CSMD3: variants seen among roughly 807,000 people sequenced by gnomAD.
CSMD3 encodes the protein CUB and Sushi multiple domains 3.
CSMD3 carries 177 observed loss-of-function variants against 435.2 expected under a neutral mutation model. The ratio of observed to expected loss-of-function variants is 0.41; its 90% CI spans 0.36 to 0.46. CSMD3 has a LOEUF of 0.46. Among genes scored for constraint, CSMD3 ranks in the 20% least tolerant of loss-of-function variants. The pLI, the probability that CSMD3 is intolerant of heterozygous loss-of-function variation, is 0.34. For missense variants in CSMD3, 4,265 were observed against 4,504.6 expected, an observed-to-expected ratio of 0.95 and a Z score of 1.52; for synonymous variants, 1,656 against 1,520.5, an observed-to-expected ratio of 1.09 and a Z score of -2.07.
chr8:113,220,045 GAC>G (rs1268857217), intron 3 of CSMD3, among the ~76,000 whole-genome samples: 19 of 151,468 alleles, frequency 1.3e-4, no homozygotes, highest in Non-Finnish European at 3.0e-5. Context: ...CATGGTAATA[GAC>G]ACACAAATTT....
chr8:112,237,915 C>T (rs991832392), intron 66 of CSMD3, among the ~76,000 whole-genome samples: 1 of 151,924 alleles, frequency 6.6e-6, no homozygotes, highest in Admixed American at 6.6e-5. Flanking sequence ...TTGAGGTATA[C>T]AGGTATTTTT....
At chr8:112,554,837 T>C (rs1418468362) in intron 25 of CSMD3, among the ~76,000 whole-genome samples, 2 of 151,984 alleles carry the variant, frequency 1.3e-5, no homozygotes. Flanking sequence ...AGAAATATAA[T>C]TACCTATAAG....
chr8:112,307,680 A>G (rs2130796713), intron 50 of CSMD3, among the ~76,000 whole-genome samples: 1 of 152,270 alleles, frequency 6.6e-6, no homozygotes, highest in East Asian at 1.9e-4. Flanking sequence ...TCCAGAACCA[A>G]CTGGAGTTAT....
At chr8:112,439,787 C>G (rs112075244) in intron 32 of CSMD3, among the ~76,000 whole-genome samples, 1,795 of 152,184 alleles carry the variant, frequency 0.012, 31 homozygotes, top group African/African-American at 0.041. Flanking sequence ...ACCATCAGCT[C>G]TTATGAGAAC....
At chr8:112,292,495 T>C in intron 55 of CSMD3, 42 bp downstream of exon 55, 2 of 1,594,982 alleles carry the variant, frequency 1.3e-6, no homozygotes, top group South Asian at 1.1e-5. Context: ...TATGTGAATA[T>C]TATTATCATG....
chr8:113,095,072 G>GA (rs972437815), intron 5 of CSMD3, among the ~76,000 whole-genome samples: 2,673 of 142,352 alleles, frequency 0.019, 80 homozygotes, highest in African/African-American at 0.062. Flanking sequence ...CTCCATCTCA[G>GA]AAAAAAAAAA....
At chr8:113,343,431 A>C (rs1404123930) in intron 1 of CSMD3, among the ~76,000 whole-genome samples, 1 of 152,198 alleles carries the variant, frequency 6.6e-6, no homozygotes, top group African/African-American at 2.4e-5. Flanking sequence ...CCATTTGAAG[A>C]TCACAGAGAA....
At chr8:112,782,844 A>G (rs2078426673) in intron 13 of CSMD3, among the ~76,000 whole-genome samples, 1 of 152,108 alleles carries the variant, frequency 6.6e-6, no homozygotes, top group South Asian at 2.1e-4. Context: ...TACCCAGTGA[A>G]AATAACCTTC....
intron 47 of CSMD3, among the ~76,000 whole-genome samples, chr8:112,315,014 C>G (rs993417245): frequency 6.6e-6 from 1 of 151,878 alleles, no homozygotes; most frequent in Non-Finnish European, 1.5e-5. Context: ...ACTCTCTTCT[C>G]TCTTAAACCT....
At position 112,859,181 on chromosome 8, in the gene CSMD3, T is replaced by C. The variant is rs2080753310; in HGVS notation, c.1719A>G (p.Gln573=). The change falls in exon 11 of 71, where the codon CAA becomes CAG. Residue 573 remains glutamine, a synonymous_variant. Coordinates refer to ENST00000297405, the MANE Select transcript of CSMD3 (RefSeq NM_198123.2). ...NFPFQYDSNA[Q]CVWVITAVNT... is the part of the protein sequence containing the mutation. The stretch of plus-strand genomic sequence containing the variant: ...TCACTGCTGTGATGACCCAGACACA[T>C]TGTGCATTGCTGTCATACTGGAACG... 4 of 1,610,982 alleles carry C rather than the reference T, an allele frequency of 2.5e-6. No homozygotes were observed. Among genetic ancestry groups the C allele is most frequent in the East Asian group, 4.5e-5 (2 of 44,764 alleles).
At chr8:113,044,694 C>G (rs1180491091) in intron 5 of CSMD3, among the ~76,000 whole-genome samples, 1 of 148,726 alleles carries the variant, frequency 6.7e-6, no homozygotes, top group African/African-American at 2.4e-5. Context: ...TAAATGTGGC[C>G]CACATGTTAC....
intron 38 of CSMD3, among the ~76,000 whole-genome samples, chr8:112,379,359 C>T (rs1586927392): frequency 1.3e-5 from 2 of 152,224 alleles, no homozygotes; most frequent in South Asian, 4.1e-4. Context: ...ATCCCAGCTA[C>T]TTGGGAGGCT....
At chr8:113,119,152 T>C (rs894068764) in intron 4 of CSMD3, among the ~76,000 whole-genome samples, 2 of 152,124 alleles carry the variant, frequency 1.3e-5, no homozygotes, top group African/African-American at 2.4e-5. Flanking sequence ...TAAATAACAG[T>C]TGGACTTTGA....
intron 45 of CSMD3, among the ~76,000 whole-genome samples, chr8:112,334,424 A>T (rs756364750): frequency 9.9e-5 from 15 of 152,208 alleles, no homozygotes; most frequent in African/African-American, 2.4e-5. Context: ...AAAAAGGTGA[A>T]ATGCTAAGTC....
chr8:112,749,574 A>T (rs530418551), intron 13 of CSMD3, among the ~76,000 whole-genome samples: 1 of 152,268 alleles, frequency 6.6e-6, no homozygotes, highest in Admixed American at 6.5e-5. Flanking sequence ...ACCCAAAAAA[A>T]TATTTTAAAA....
intron 6 of CSMD3, among the ~76,000 whole-genome samples, chr8:113,008,821 T>C (rs1453501446): frequency 6.6e-6 from 1 of 151,300 alleles, no homozygotes; most frequent in East Asian, 1.9e-4. Context: ...AAATCATAAT[T>C]GCTAACAACC....
intron 32 of CSMD3, among the ~76,000 whole-genome samples, chr8:112,410,652 G>GTATATATATATGTATATATATATGTGTA (rs765482386): frequency 1.6e-4 from 6 of 36,608 alleles, no homozygotes; most frequent in African/African-American, 7.2e-4. Flanking sequence ...ATATATATGT[G>GTATATATATATGTATATATATATGTGTA]TATATATATG....
chr8:112,526,386 C>G (rs1824966458), intron 27 of CSMD3, among the ~76,000 whole-genome samples: 1 of 151,844 alleles, frequency 6.6e-6, no homozygotes, highest in Non-Finnish European at 1.5e-5. Flanking sequence ...TTTGAATCAG[C>G]TTTACTTTGT....
chr8:113,421,656 A>G (rs2094609399), intron 1 of CSMD3, among the ~76,000 whole-genome samples: 1 of 152,146 alleles, frequency 6.6e-6, no homozygotes, highest in South Asian at 2.1e-4. Flanking sequence ...TTCGGAACCA[A>G]GGTCTCCTTC....
Sources: allele counts gnomAD v4.1 joint callset (sites outside exome capture counted in the v4.1 genomes callset), GRCh38; gene constraint gnomAD v4.1.1; transcripts MANE v1.5; gene names NCBI Gene and HGNC (gene_info 2026-07-23, HGNC 2026-07-21).